AR: variants seen among roughly 807,000 people sequenced by gnomAD.
The protein encoded by AR is dihydrotestosterone receptor.
In AR, 8 loss-of-function variants were observed where a neutral mutation model predicts 53.9. The observed-to-expected ratio is 0.15, with a 90% CI of 0.09 to 0.27. AR has a LOEUF of 0.27. AR is among the 10% of genes least tolerant of loss of function. The pLI is 1.00. For synonymous variants in AR, 359 were observed against 316.4 expected (o/e 1.13, Z -1.43); for missense variants, 639 against 742.5 (o/e 0.86, Z 1.62).
At chrX:67,550,746 C>T (rs1324676983) in intron 1 of AR, among the ~76,000 whole-genome samples, 2 of 109,937 alleles carry the variant, frequency 1.8e-5, no homozygotes, top group Non-Finnish European at 3.8e-5. Flanking sequence ...CCACCTCCAC[C>T]ATTTTCTCTT....
chrX:67,632,530 G>A (rs1188020916), intron 1 of AR, among the ~76,000 whole-genome samples: 3 of 111,995 alleles, frequency 2.7e-5, no homozygotes, highest in African/African-American at 6.5e-5. Flanking sequence ...ACTGACCTGC[G>A]CCCACTGTCT....
chrX:67,686,213 CT>C, intron 3 of AR, 87 bp downstream of exon 3: 1 of 983,087 alleles, frequency 1.0e-6, no homozygotes, highest in East Asian at 3.3e-5. Flanking sequence ...AGATTTTCTT[CT>C]TTGATGCTTC....
chrX:67,639,199 G>A (rs186739707), intron 1 of AR, among the ~76,000 whole-genome samples: 11 of 111,790 alleles, frequency 9.8e-5, no homozygotes, highest in South Asian at 3.7e-4. Context: ...TACCAGTACC[G>A]TGCTATTTTG....
chrX:67,593,506 C>G, intron 1 of AR, among the ~76,000 whole-genome samples: 1 of 110,187 alleles, frequency 9.1e-6, no homozygotes, highest in Non-Finnish European at 1.9e-5. Context: ...GTAGCAGCAC[C>G]ATGCCCAGCT....
chrX:67,695,128 A>G, intron 3 of AR: 1 of 763,933 alleles, frequency 1.3e-6, no homozygotes. Context: ...GCTGCCAGGA[A>G]GAAACTTTGC....
chrX:67,690,242 G>C (rs959665384), intron 3 of AR, among the ~76,000 whole-genome samples: 3 of 112,036 alleles, frequency 2.7e-5, no homozygotes, highest in African/African-American at 9.7e-5. Flanking sequence ...CTAGGAGACT[G>C]AACTCTGCAT....
intron 1 of AR, among the ~76,000 whole-genome samples, chrX:67,629,571 A>G (rs1370665340): frequency 9.2e-6 from 1 of 108,547 alleles, no homozygotes; most frequent in African/African-American, 3.4e-5. Context: ...AATTTTGTTG[A>G]TCCTTTCAAA....
At chrX:67,554,127 A>G (rs973665185) in intron 1 of AR, among the ~76,000 whole-genome samples, 1 of 112,345 alleles carries the variant, frequency 8.9e-6, no homozygotes, top group Admixed American at 9.4e-5. Flanking sequence ...GAACAGCAGG[A>G]AAGAAGCCTA....
chrX:67,629,989 G>A (rs201334790), intron 1 of AR, among the ~76,000 whole-genome samples: 139 of 111,095 alleles, frequency 1.3e-3, no homozygotes, highest in Non-Finnish European at 2.0e-3. Flanking sequence ...TTGATTGCAC[G>A]GTGGTCTGAG....
At chrX:67,710,953 G>T (rs1010959780) in intron 3 of AR, among the ~76,000 whole-genome samples, 15 of 112,413 alleles carry the variant, frequency 1.3e-4, no homozygotes, top group South Asian at 3.7e-4. Flanking sequence ...ACGTTTTCTA[G>T]AATTGATTGT....
chrX:67,674,373 G>A (rs921988761), intron 2 of AR, among the ~76,000 whole-genome samples: 2 of 109,700 alleles, frequency 1.8e-5, no homozygotes, highest in Non-Finnish European at 3.8e-5. Flanking sequence ...AAGCCTAAGG[G>A]CTATACAATC....
chrX:67,645,063 A>G (rs138627851), intron 2 of AR, among the ~76,000 whole-genome samples: 1,823 of 111,345 alleles, frequency 0.016, 24 homozygotes, highest in Middle Eastern at 0.041. Context: ...TCTATAGAGC[A>G]GAGAATGAAA....
At position 67,728,691 on chromosome X, in the gene AR, G is replaced by T. The variant is rs2076168869; in HGVS notation, c.*4850G>T. 7.8e-6 allele frequency: 1 copy of T among 127,409 alleles called. No homozygotes were observed. Among genetic ancestry groups the T allele is most frequent in the Admixed American group, 1.0e-4 (1 of 9,588 alleles). 10.5% of individuals were successfully genotyped at this position (127,409 alleles called of 1,213,427 possible). A position where few individuals can be genotyped will look rare whatever the true frequency, so the allele number is the denominator to read the frequency against. ...GGTTCCAGATCACACCTGATGCCAT[G>T]TACTTGTGAGAGAGGATGCAGTTTT... On this transcript the variant is annotated 3_prime_UTR_variant, in exon 8 of 8. Transcript: ENST00000374690.
chrX:67,607,015 T>C (rs1380933346), intron 1 of AR, among the ~76,000 whole-genome samples: 1 of 111,172 alleles, frequency 9.0e-6, no homozygotes, highest in Non-Finnish European at 1.9e-5. Flanking sequence ...TTTGTTGTTA[T>C]TGTTGTTGTG....
intron 1 of AR, among the ~76,000 whole-genome samples, chrX:67,627,639 G>A (rs746108212): frequency 9.0e-6 from 1 of 111,725 alleles, no homozygotes; most frequent in Non-Finnish European, 1.9e-5. Flanking sequence ...AGTTGAATTA[G>A]ATCCCATTTG....
intron 1 of AR, among the ~76,000 whole-genome samples, chrX:67,577,002 C>G (rs942357759): frequency 2.0e-5 from 2 of 102,435 alleles, no homozygotes; most frequent in Non-Finnish European, 3.9e-5. Context: ...CTCTCTCTCT[C>G]TCTTTTTTTT....
At chrX:67,696,326 C>G (rs1379464976) in intron 3 of AR, among the ~76,000 whole-genome samples, 1 of 111,037 alleles carries the variant, frequency 9.0e-6, no homozygotes, top group Admixed American at 9.6e-5. Context: ...TTTCCAGGCT[C>G]TGCAATTTCA....
chrX:67,661,377 A>T (rs1926906672), intron 2 of AR, among the ~76,000 whole-genome samples: 2 of 111,251 alleles, frequency 1.8e-5, no homozygotes, highest in Admixed American at 9.6e-5. Flanking sequence ...TATTATTTTG[A>T]GATACGTCCC....
At chrX:67,660,279 G>C (rs763762646) in intron 2 of AR, among the ~76,000 whole-genome samples, 3 of 111,934 alleles carry the variant, frequency 2.7e-5, no homozygotes, top group Admixed American at 9.5e-5. Context: ...TAGACATGAA[G>C]TCCTTGCCCA....
Sources: allele counts gnomAD v4.1 joint callset (sites outside exome capture counted in the v4.1 genomes callset), GRCh38; gene constraint gnomAD v4.1.1; transcripts MANE v1.5; gene names NCBI Gene and HGNC (gene_info 2026-07-23, HGNC 2026-07-21).